Variants in SHLD1 observed in about 807,000 individuals in gnomAD.
SHLD1 encodes the protein RINN1-REV7-interacting novel NHEJ regulator 3.
In SHLD1, 3 loss-of-function variants were observed where a neutral mutation model predicts 5.5. The ratio of observed to expected loss-of-function variants is 0.54; its 90% CI spans 0.25 to 1.40. SHLD1 has a LOEUF of 1.40. Among genes scored for constraint, SHLD1 ranks in the 40% most tolerant of loss-of-function variants. The pLI is 0.15. For synonymous variants in SHLD1, 92 were observed against 94.3 expected, an observed-to-expected ratio of 0.98 and a Z score of 0.14; for missense variants, 210 against 244.4, an observed-to-expected ratio of 0.86 and a Z score of 0.94.
At chr20:5,829,206 A>T (rs2087700505) in intron 2 of SHLD1, among the ~76,000 whole-genome samples, 1 of 152,162 alleles carries the variant, frequency 6.6e-6, no homozygotes. Flanking sequence ...GAGTTCAGGG[A>T]GTTCTTTTTA....
chr20:5,837,725 A>G lies in SHLD1; in HGVS notation c.179-25299A>G, dbSNP rs533442464. The stretch of plus-strand genomic sequence containing the variant: ...CTGTTGACCAGAAGCCTTACAGATC[A>G]TATGAACAGTGGATTAACAACATAA... On this transcript the variant is annotated intron_variant, in intron 2 of 2. Coordinates refer to ENST00000303142, the MANE Select transcript of SHLD1 (RefSeq NM_152504.4). Among the ~76,000 whole-genome samples the G allele has an allele frequency of 9.8e-5, 15 of 152,352 alleles. No homozygotes were observed. The East Asian group carries it at 2.7e-3, about 27-fold the overall frequency.
At chr20:5,848,933 A>C (rs1219719708) in intron 2 of SHLD1, among the ~76,000 whole-genome samples, 1 of 152,188 alleles carries the variant, frequency 6.6e-6, no homozygotes, top group Non-Finnish European at 1.5e-5. Flanking sequence ...GAACTTTCAG[A>C]TATAAACAAG....
At chr20:5,755,523 G>A (rs1984029282) in intron 1 of SHLD1, among the ~76,000 whole-genome samples, 1 of 152,082 alleles carries the variant, frequency 6.6e-6, no homozygotes, top group Non-Finnish European at 1.5e-5. Context: ...AGAAAGGTTG[G>A]GGGCTACTGT....
At chr20:5,839,486 AAGATAGAT>A (rs3058152) in intron 2 of SHLD1, among the ~76,000 whole-genome samples, 28,276 of 149,916 alleles carry the variant, frequency 0.19, 2,829 homozygotes, top group East Asian at 0.27. Flanking sequence ...ATTAGATAGA[AAGATAGAT>A]AGATAGATAG....
chr20:5,783,789 A>C lies in SHLD1; in HGVS notation c.178+10746A>C, dbSNP rs114209034. The stretch of plus-strand genomic sequence containing the variant: ...GGGTCATGAGCTTGTGGGGCCCTGG[A>C]TGCTCTACCTTATGCATCCAGGCAG... On this transcript the variant is annotated intron_variant, in intron 2 of 2. Transcript: ENST00000303142. Among the ~76,000 whole-genome samples the C allele has an allele frequency of 7.1e-3, 1,087 of 152,188 alleles. 15 individuals are homozygous for C. The highest frequency in any genetic ancestry group is 0.025 in the African/African-American group (1,024 of 41,542).
intron 2 of SHLD1, among the ~76,000 whole-genome samples, chr20:5,779,972 G>GTTTTTTTTTT (rs11381238): frequency 6.1e-5 from 5 of 81,786 alleles, no homozygotes; most frequent in Admixed American, 1.7e-4. Flanking sequence ...TACAATTTCT[G>GTTTTTTTTTT]TTTTTTTTTT....
intron 2 of SHLD1, among the ~76,000 whole-genome samples, chr20:5,818,145 G>A (rs929655165): frequency 2.7e-5 from 4 of 149,228 alleles, no homozygotes; most frequent in East Asian, 2.0e-4. Context: ...GCACTATCTC[G>A]GCTCACTGCA....
At position 5,755,821 on chromosome 20, in the gene SHLD1, A is replaced by G. The variant is rs535006378; in HGVS notation, c.-5+5342A>G. On this transcript the variant is annotated intron_variant, in intron 1 of 2. Coordinates refer to ENST00000303142, the MANE Select transcript of SHLD1 (RefSeq NM_152504.4). ...TGATCCGCCCACCTCGGCTTCCTGG[A>G]GTGCTGGGATTACAGGCATGGGCCA... Among the ~76,000 whole-genome samples the G allele has an allele frequency of 2.2e-4, 34 of 152,240 alleles. No individual in the cohort carries two copies. In the East Asian group the frequency reaches 2.7e-3, roughly 12 times the overall value.
chr20:5,809,331 T>C (rs957559863), intron 2 of SHLD1, among the ~76,000 whole-genome samples: 1 of 152,034 alleles, frequency 6.6e-6, no homozygotes, highest in African/African-American at 2.4e-5. Context: ...TCTCCTTAAA[T>C]AGACTCTTAG....
intron 2 of SHLD1, among the ~76,000 whole-genome samples, chr20:5,810,864 C>A (rs943702124): frequency 1.3e-5 from 2 of 148,572 alleles, no homozygotes; most frequent in Non-Finnish European, 1.5e-5. Context: ...CATGCCACTG[C>A]ACTCCAGAGT....
At chr20:5,827,133 C>T (rs917756270) in intron 2 of SHLD1, among the ~76,000 whole-genome samples, 5 of 10,452 alleles carry the variant, frequency 4.8e-4, no homozygotes, top group Non-Finnish European at 1.0e-3. Context: ...CATGAGTGGG[C>T]GTGGCACCCA....
At chr20:5,761,045 G>T (rs537372610) in intron 1 of SHLD1, among the ~76,000 whole-genome samples, 5 of 152,030 alleles carry the variant, frequency 3.3e-5, no homozygotes, top group African/African-American at 4.8e-5. Flanking sequence ...ATCATAGAAC[G>T]TACTGGATAA....
intron 2 of SHLD1, among the ~76,000 whole-genome samples, chr20:5,822,654 T>C (rs2087618913): frequency 6.6e-6 from 1 of 151,852 alleles, no homozygotes; most frequent in Non-Finnish European, 1.5e-5. Context: ...GGGTGAGTTG[T>C]TTATGCCCTG....
At position 5,784,506 on chromosome 20, in the gene SHLD1, A is replaced by G. The variant is rs571962489; in HGVS notation, c.178+11463A>G. Reference sequence around the variant, plus strand: ...TCCTCTGCTGTCCAGGCTGGAGTGCAGTGGCGCGATCTCGGCTCACTGCAA... The same window carrying G: ...TCCTCTGCTGTCCAGGCTGGAGTGCGGTGGCGCGATCTCGGCTCACTGCAA... On this transcript the variant is annotated intron_variant, in intron 2 of 2. Coordinates refer to ENST00000303142, the MANE Select transcript of SHLD1 (RefSeq NM_152504.4). 3.8e-4 allele frequency among the ~76,000 whole-genome samples: 58 copies of G among 151,994 alleles called. 1 individual carries two copies. The highest frequency in any genetic ancestry group is 3.9e-4 in the East Asian group (2 of 5,166).
chr20:5,764,217 G>GTATATATATA (rs1436612762), intron 1 of SHLD1, among the ~76,000 whole-genome samples: 2 of 115,340 alleles, frequency 1.7e-5, no homozygotes, highest in African/African-American at 6.7e-5. Flanking sequence ...ATTTGTGTGT[G>GTATATATATA]TGTATATATA....
At chr20:5,757,071 CTTTTTTTTTTTT>C (rs753877287) in intron 1 of SHLD1, among the ~76,000 whole-genome samples, 5 of 123,226 alleles carry the variant, frequency 4.1e-5, no homozygotes, top group African/African-American at 6.2e-5. Context: ...TTCTTTCTTT[CTTTTTTTTTTTT>C]TTTTTTTGAG....
At chr20:5,845,818 G>C (rs1287803248) in intron 2 of SHLD1, among the ~76,000 whole-genome samples, 1 of 152,148 alleles carries the variant, frequency 6.6e-6, no homozygotes, top group Non-Finnish European at 1.5e-5. Flanking sequence ...AGCTTCCAGA[G>C]GGAGTGAAGA....
At chr20:5,808,315 A>G (rs2122363904) in intron 2 of SHLD1, among the ~76,000 whole-genome samples, 1 of 152,272 alleles carries the variant, frequency 6.6e-6, no homozygotes, top group African/African-American at 2.4e-5. Flanking sequence ...TCTCCCCAGA[A>G]GTAATTATTG....
rs1047463918 is a variant in SHLD1 at position 5,855,544 on chromosome 20, G to T, written c.179-7480G>T. 6.6e-6 allele frequency among the ~76,000 whole-genome samples: 1 copy of T among 151,924 alleles called. No homozygotes were observed. The highest frequency in any genetic ancestry group is 6.6e-5 in the Admixed American group (1 of 15,246). ...ATGTCACCACGCCTGGCTAATTTTT[G>T]TATTTTTAGTAGATACAGGGTTTCA... is the stretch of plus-strand genomic sequence containing the variant. On this transcript the variant is annotated intron_variant, in intron 2 of 2. Transcript: ENST00000303142. This position sits in a 1 kb window ranked among gnomAD's most constrained non-coding sequence, Gnocchi z 4.4.
Sources: gnomAD v4.1 joint callset for allele counts (sites outside exome capture counted in the v4.1 genomes callset) on GRCh38, gnomAD v4.1.1 for gene constraint, Gnocchi (gnomAD v3.1) non-coding constraint, MANE v1.5 for transcripts, NCBI Gene and HGNC (gene_info 2026-07-23, HGNC 2026-07-21) for gene names.